JAKMIP2: variants seen among roughly 807,000 people sequenced by gnomAD.
JAKMIP2 encodes janus kinase and microtubule interacting protein 2.
Under a neutral mutation model 115.0 loss-of-function variants are expected in JAKMIP2, and 25 were observed. The ratio of observed to expected loss-of-function variants is 0.22; its 90% CI spans 0.16 to 0.30. The LOEUF (loss-of-function observed/expected upper bound fraction) is 0.30. JAKMIP2 is among the 10% of genes least tolerant of loss of function. The probability of loss-of-function intolerance (pLI) is 1.00; values close to 1 mark genes in which losing one functional copy is unlikely to be tolerated. For synonymous variants in JAKMIP2, 334 were observed against 343.6 expected (o/e 0.97, Z 0.31); for missense variants, 642 against 957.6 (o/e 0.67, Z 4.35).
intron 14 of JAKMIP2, among the ~76,000 whole-genome samples, chr5:147,630,729 A>G (rs1396075177): frequency 1.3e-5 from 2 of 152,142 alleles, no homozygotes; most frequent in African/African-American, 4.8e-5. Context: ...GAAGGTAAGG[A>G]GAGACCAGGA....
intron 1 of JAKMIP2, among the ~76,000 whole-genome samples, chr5:147,724,485 A>G (rs1753437551): frequency 6.6e-6 from 1 of 152,226 alleles, no homozygotes; most frequent in Non-Finnish European, 1.5e-5. Flanking sequence ...TGTTGTACCC[A>G]GCATTGGTCT....
intron 20 of JAKMIP2, among the ~76,000 whole-genome samples, chr5:147,603,085 T>C (rs1047244343): frequency 6.6e-6 from 1 of 152,158 alleles, no homozygotes; most frequent in African/African-American, 2.4e-5. Context: ...AGCTACCTCT[T>C]TGGGCATGAG....
intron 1 of JAKMIP2, among the ~76,000 whole-genome samples, chr5:147,707,062 C>G (rs1752587130): frequency 6.6e-6 from 1 of 152,094 alleles, no homozygotes; most frequent in Non-Finnish European, 1.5e-5. Context: ...GGCAGTTAAA[C>G]AGGCACTATG....
chr5:147,596,265 T>C (rs1755386182), intron 21 of JAKMIP2, among the ~76,000 whole-genome samples: 2 of 152,028 alleles, frequency 1.3e-5, no homozygotes, highest in South Asian at 4.2e-4. Flanking sequence ...CACAGTGATA[T>C]TTTCCTAGGA....
At chr5:147,673,088 GA>G (rs1231166642) in intron 1 of JAKMIP2, among the ~76,000 whole-genome samples, 1 of 152,120 alleles carries the variant, frequency 6.6e-6, no homozygotes, top group African/African-American at 2.4e-5. Context: ...ATGAATGCAA[GA>G]AGACCACATA....
chr5:147,678,445 A>G (rs566207797), intron 1 of JAKMIP2, among the ~76,000 whole-genome samples: 34 of 152,302 alleles, frequency 2.2e-4, no homozygotes, highest in Admixed American at 2.2e-3. Context: ...CTCTGGGTCC[A>G]TCCATGTCAC....
At chr5:147,736,566 G>A (rs990950186) in intron 1 of JAKMIP2, among the ~76,000 whole-genome samples, 1 of 151,982 alleles carries the variant, frequency 6.6e-6, no homozygotes, top group South Asian at 2.1e-4. Flanking sequence ...TCTATTTAGG[G>A]GGTATCATAG....
rs570201996 is a variant in JAKMIP2 at position 147,644,988 on chromosome 5, A to G, written c.945T>C (p.Arg315=). 2.5e-6 allele frequency: 4 copies of G among 1,612,012 alleles called. No homozygotes were observed. In the South Asian group the frequency reaches 3.3e-5, roughly 13 times the overall value. Residue 315 remains arginine (R), a synonymous_variant, in exon 6 of 22, where the codon CGT becomes CGC. Transcript: ENST00000616793. ...LGDERNELLK[R]VRETEKQCKP... is the part of the protein sequence containing the mutation. Reference sequence around the variant, plus strand: ...TACATTGCTTTTCGGTTTCCCGCACACGTTTTAACTGGGAAGAAATAAGTG... The same window carrying G: ...TACATTGCTTTTCGGTTTCCCGCACGCGTTTTAACTGGGAAGAAATAAGTG...
chr5:147,722,346 G>A (rs939977081), intron 1 of JAKMIP2, among the ~76,000 whole-genome samples: 5 of 152,104 alleles, frequency 3.3e-5, no homozygotes, highest in South Asian at 2.1e-4. Context: ...TCCTCTCCCC[G>A]TCTTTTCTCC....
chr5:147,768,507 C>T (rs1755232763), intron 1 of JAKMIP2, among the ~76,000 whole-genome samples: 1 of 152,042 alleles, frequency 6.6e-6, no homozygotes, highest in Non-Finnish European at 1.5e-5. Flanking sequence ...GCCTCTAGTT[C>T]CTAATTGAAC....
At chr5:147,606,632 G>A (rs1250693482) in intron 20 of JAKMIP2, among the ~76,000 whole-genome samples, 1 of 152,132 alleles carries the variant, frequency 6.6e-6, no homozygotes, top group Non-Finnish European at 1.5e-5. Context: ...CTCCAGCTTT[G>A]TTCTTTTTGC....
rs377291231 is a variant in JAKMIP2, at chr5:147,662,814, G to A, written c.130-1369C>T. 7.2e-5 allele frequency among the ~76,000 whole-genome samples: 11 copies of A among 152,124 alleles called. No individual in the cohort carries two copies. The South Asian group carries it at 1.7e-3, about 23-fold the overall frequency. On this transcript the variant is annotated intron_variant, in intron 2 of 21. Coordinates refer to ENST00000616793, the MANE Select transcript of JAKMIP2 (RefSeq NM_001270941.2). ...AGCCTGGCCAACATGGTGAAACCCC[G>A]TCTCTATTAAAAATACAAAAATTGG...
chr5:147,619,378 T>TACCCATTCTCTTCTTTCCCCATCAAAC (rs150719448), intron 18 of JAKMIP2, among the ~76,000 whole-genome samples: 4,753 of 152,006 alleles, frequency 0.031, 231 homozygotes, highest in East Asian at 0.12. Context: ...TAGCATCAAA[T>TACCCATTCTCTTCTTTCCCCATCAAAC]ACCCATTCTC....
At chr5:147,719,059 A>G (rs375555908) in intron 1 of JAKMIP2, among the ~76,000 whole-genome samples, 5 of 136,030 alleles carry the variant, frequency 3.7e-5, no homozygotes, top group East Asian at 2.2e-4. Flanking sequence ...CTTTGTTCTC[A>G]TTGGTTTCAA....
chr5:147,782,141 T>C (rs77045691), intron 1 of JAKMIP2, among the ~76,000 whole-genome samples: 4,581 of 152,314 alleles, frequency 0.03, 77 homozygotes, highest in Middle Eastern at 0.058. Flanking sequence ...CCTCTTCTTG[T>C]TGTTAGCTCT....
intron 2 of JAKMIP2, among the ~76,000 whole-genome samples, chr5:147,665,399 T>C (rs2126791740): frequency 6.6e-6 from 1 of 152,338 alleles, no homozygotes; most frequent in Non-Finnish European, 1.5e-5. Context: ...CTACGACAAT[T>C]TACCTTCCAT....
In JAKMIP2 at chr5:147,782,651, AGGC is replaced by A. The variant is rs199904559; in HGVS notation, c.-347_-345del. The A allele has an allele frequency of 8.7e-4, 564 of 646,404 alleles. No individual in the cohort carries two copies. Among genetic ancestry groups the A allele is most frequent in the Middle Eastern group, 1.7e-3 (6 of 3,504 alleles). 40.0% of individuals were successfully genotyped at this position (646,404 alleles called of 1,614,324 possible). A position where few individuals can be genotyped will look rare whatever the true frequency, so the allele number is the denominator to read the frequency against. On this transcript the variant is annotated 5_prime_UTR_variant, in exon 1 of 22. Transcript: ENST00000616793. ...AGCCCCACTAGAGTATCAGCAATAG[AGGC>A]GGCGGCGGCGGCAGCAGCAGCAGCA...
chr5:147,716,066 T>G (rs1175085570), intron 1 of JAKMIP2, among the ~76,000 whole-genome samples: 1 of 141,746 alleles, frequency 7.1e-6, no homozygotes, highest in African/African-American at 2.7e-5. Context: ...CATTGTTCAA[T>G]TCCCACGTAT....
intron 1 of JAKMIP2, among the ~76,000 whole-genome samples, chr5:147,778,662 T>C (rs1337371648): frequency 6.6e-6 from 1 of 151,848 alleles, no homozygotes; most frequent in Non-Finnish European, 1.5e-5. Flanking sequence ...AATGATAGAA[T>C]ATAAACTGAA....
Sources: gnomAD v4.1 joint callset for allele counts (sites outside exome capture counted in the v4.1 genomes callset) on GRCh38, gnomAD v4.1.1 for gene constraint, MANE v1.5 for transcripts, NCBI Gene and HGNC (gene_info 2026-07-23, HGNC 2026-07-21) for gene names.